SELP: variants seen among roughly 807,000 people sequenced by gnomAD.
The protein encoded by SELP is selectin P.
SELP carries 92 observed loss-of-function variants against 104.1 expected under a neutral mutation model. The ratio of observed to expected loss-of-function variants is 0.88; its 90% CI spans 0.75 to 1.05. SELP has a LOEUF of 1.05. SELP is among the 50% of genes least tolerant of loss of function. The pLI, the probability that SELP is intolerant of heterozygous loss-of-function variation, is 0.00. For synonymous variants in SELP, 397 were observed against 364.5 expected, an observed-to-expected ratio of 1.09 and a Z score of -1.01; for missense variants, 1,022 against 1,017.3, an observed-to-expected ratio of 1.00 and a Z score of -0.06.
chr1:169,616,500 A>C (rs1171552295), intron 3 of SELP, among the ~76,000 whole-genome samples: 1 of 152,212 alleles, frequency 6.6e-6, no homozygotes, highest in Non-Finnish European at 1.5e-5. Flanking sequence ...ATGAGGACTA[A>C]ATTTGACTAA....
rs1331080723 is a variant in SELP, at chr1:169,617,104, G to A, written c.405C>T (p.Tyr135=). ...KRNNEDCVEI[Y]IKSPSAPGKW... ...TGCCAGGGGCTGACGGACTCTTGAT[G>A]TATATCTCCACGCAGTCCTCGTTGT... The change falls in exon 3 of 17, where the codon TAC becomes TAT. Residue 135 remains tyrosine, a synonymous_variant. Coordinates refer to ENST00000263686, the MANE Select transcript of SELP (RefSeq NM_003005.4). 6.2e-7 allele frequency: 1 copy of A among 1,613,926 alleles called. No homozygotes were observed. The highest frequency in any genetic ancestry group is 1.1e-5 in the South Asian group (1 of 91,066).
chr1:169,595,159 C>A (rs1236717675), intron 12 of SELP, among the ~76,000 whole-genome samples: 1 of 152,142 alleles, frequency 6.6e-6, no homozygotes, highest in African/African-American at 2.4e-5. Context: ...TCCAAATATA[C>A]TATTTACAAA....
At position 169,613,057 on chromosome 1, in the gene SELP, G is replaced by A; in HGVS notation, c.647C>T (p.Pro216Leu). ...PQHVLMNCSH[P>L]LGNFSFNSQC... ...CGAGTTAAAAGAGAAGTTTCCCAGAGGGTGGCTGCAGTTCATGAGCACGTG... is the reference window on the plus strand; with the variant it reads ...CGAGTTAAAAGAGAAGTTTCCCAGAAGGTGGCTGCAGTTCATGAGCACGTG... Residue 216 changes from proline (P) to leucine (L), a missense_variant, in exon 5 of 17, where the codon CCT becomes CTT. Coordinates refer to ENST00000263686, the MANE Select transcript of SELP (RefSeq NM_003005.4). 1.9e-6 allele frequency: 3 copies of A among 1,613,736 alleles called. No homozygotes were observed. Among genetic ancestry groups the A allele is most frequent in the Non-Finnish European group, 2.5e-6 (3 of 1,179,776 alleles).
At chr1:169,627,895 T>C (rs1311794336) in intron 1 of SELP, among the ~76,000 whole-genome samples, 5 of 151,724 alleles carry the variant, frequency 3.3e-5, no homozygotes, top group Admixed American at 2.6e-4. Context: ...CCACTAAAAC[T>C]TTTTTTTTGT....
chr1:169,591,338 C>T, intron 15 of SELP, 88 bp downstream of exon 15: 1 of 787,318 alleles, frequency 1.3e-6, no homozygotes, highest in East Asian at 2.8e-5. Flanking sequence ...AGGAGGCAGG[C>T]ATTGCATGTA....
intron 1 of SELP, among the ~76,000 whole-genome samples, chr1:169,623,176 C>T (rs930513342): frequency 3.7e-3 from 1 of 268 alleles, no homozygotes; most frequent in Non-Finnish European, 6.3e-3. Context: ...TGCCTTTGAA[C>T]CTGGGCTTTG....
chr1:169,604,571 A>G (rs1662088371), intron 9 of SELP, among the ~76,000 whole-genome samples: 1 of 152,208 alleles, frequency 6.6e-6, no homozygotes, highest in Admixed American at 6.5e-5. Flanking sequence ...ATGAGGTTTC[A>G]AGAACACTTT....
rs1376800566 is a variant in SELP, at chr1:169,588,998, T to C, written c.*465A>G. 1 of 152,136 alleles carries C rather than the reference T, an allele frequency of 6.6e-6. No homozygotes were observed. Among genetic ancestry groups the C allele is most frequent in the Non-Finnish European group, 1.5e-5 (1 of 68,026 alleles). The allele number at this position is 152,136 out of a possible 1,614,324, so 9.4% of individuals were successfully genotyped here. A position where few individuals can be genotyped will look rare whatever the true frequency, so the allele number is the denominator to read the frequency against. ...CAGCCTCTGGTGCCATCCAGAGGAC[T>C]CTCTGGAAGCCTCAGAGCAGAGGTC... On this transcript the variant is annotated 3_prime_UTR_variant, in exon 17 of 17. Transcript: ENST00000263686.
intron 11 of SELP, among the ~76,000 whole-genome samples, chr1:169,596,617 C>T (rs1168526923): frequency 1.3e-5 from 2 of 152,226 alleles, no homozygotes; most frequent in Admixed American, 6.5e-5. Context: ...TGCCATGTGG[C>T]AGGAAGATGA....
At chr1:169,619,064 C>T in intron 2 of SELP, 65 bp downstream of exon 2, 1 of 1,315,324 alleles carries the variant, frequency 7.6e-7, no homozygotes, top group Non-Finnish European at 1.1e-6. Context: ...TTAAATTTCT[C>T]ACACATAGAT....
Position 169,592,913 on chromosome 1 carries a change from T to G in SELP, c.2407+692A>C, listed in dbSNP as rs1400693194. ...TCTTCTCATTGATTTTACACTTTCA[T>G]GTCTTTCTACATGCCATTTTCTCTG... On this transcript the variant is annotated intron_variant, in intron 14 of 16. Transcript: ENST00000263686. Among the ~76,000 whole-genome samples the G allele has an allele frequency of 5.3e-5, 8 of 152,332 alleles. No individual in the cohort carries two copies. The East Asian group carries it at 1.2e-3, about 22-fold the overall frequency.
intron 1 of SELP, among the ~76,000 whole-genome samples, chr1:169,627,426 G>A (rs1663425259): frequency 6.6e-6 from 1 of 152,154 alleles, no homozygotes; most frequent in Non-Finnish European, 1.5e-5. Context: ...TAAAATATTA[G>A]CATTAAAAAT....
chr1:169,628,907 C>G (rs903823620), intron 1 of SELP, among the ~76,000 whole-genome samples: 1 of 141,876 alleles, frequency 7.0e-6, no homozygotes, highest in Admixed American at 6.7e-5. Flanking sequence ...ACTCTTATTC[C>G]TGTTTTCCCC....
chr1:169,622,098 C>A (rs982952505), intron 1 of SELP, among the ~76,000 whole-genome samples: 1 of 152,200 alleles, frequency 6.6e-6, no homozygotes, highest in Admixed American at 6.5e-5. Context: ...AAAAATTATA[C>A]CTTTTACTAA....
intron 3 of SELP, among the ~76,000 whole-genome samples, chr1:169,615,761 G>A (rs1662777492): frequency 6.6e-6 from 1 of 152,120 alleles, no homozygotes; most frequent in African/African-American, 2.4e-5. Flanking sequence ...ATGCATTCAT[G>A]GATATGTTTT....
rs745760005 is a variant in SELP at position 169,630,115 on chromosome 1, C to A, written c.-41G>T. ...GCTGGTTTTCTGCCTTCTGCCCAAC[C>A]CAGACTGCTTACAGTCTCACTGCCT... On this transcript the variant is annotated 5_prime_UTR_variant, in exon 1 of 17. Transcript: ENST00000263686. The A allele has an allele frequency of 1.2e-6, 2 of 1,614,140 alleles. No individual in the cohort carries two copies. The highest frequency in any genetic ancestry group is 8.5e-7 in the Non-Finnish European group (1 of 1,179,972).
At chr1:169,604,290 A>T in intron 9 of SELP, among the ~76,000 whole-genome samples, 2 of 150,770 alleles carry the variant, frequency 1.3e-5, no homozygotes, top group Admixed American at 6.6e-5. Context: ...CCACTTTTTG[A>T]TGGGGTTGTT....
rs964230030 is a variant in SELP, at chr1:169,592,104, A to G, written c.2408-648T>C. 2.0e-5 allele frequency among the ~76,000 whole-genome samples: 3 copies of G among 152,206 alleles called. No homozygotes were observed. The South Asian group carries it at 6.2e-4, about 32-fold the overall frequency. ...TCAAGATTAGAGTGATTCCTACATG[A>G]TCATAGAGATTAAGGTCTAGGAGCT... is the stretch of plus-strand genomic sequence containing the variant. On this transcript the variant is annotated intron_variant, in intron 14 of 16. Transcript: ENST00000263686.
In SELP at chr1:169,611,516, A is replaced by G. The variant is rs775057587; in HGVS notation, c.1123T>C (p.Ser375Pro). 27 of 1,613,902 alleles carry G rather than the reference A, an allele frequency of 1.7e-5. No homozygotes were observed. The Admixed American group carries it at 4.3e-4, about 26-fold the overall frequency. Residue 375 changes from serine (S) to proline (P), a missense_variant, in exon 7 of 17, where the codon TCT (serine) becomes CCT (proline). Ser to Pro is a moderately conservative substitution (Grantham distance 74). Coordinates refer to ENST00000263686, the MANE Select transcript of SELP (RefSeq NM_003005.4). ...MLRCIDSGHW[S>P]APLPTCEAIS... Reference sequence around the variant, plus strand: ...CCCTCACAGGTTGGCAAGGGTGCAGACCAGTGTCCAGAGTCAATGCAGCGG... The same window carrying G: ...CCCTCACAGGTTGGCAAGGGTGCAGGCCAGTGTCCAGAGTCAATGCAGCGG...
Sources: allele counts gnomAD v4.1 joint callset (sites outside exome capture counted in the v4.1 genomes callset), GRCh38; gene constraint gnomAD v4.1.1; transcripts MANE v1.5; gene names NCBI Gene and HGNC (gene_info 2026-07-23, HGNC 2026-07-21).